The following GGT7 variants were observed in gnomAD, a reference collection of about 807,000 sequenced individuals.
GGT7 encodes the protein gamma-glutamyltransferase 7, also known as glutathione hydrolase 7.
Under a neutral mutation model 69.2 loss-of-function variants are expected in GGT7, and 30 were observed. The observed-to-expected ratio is 0.43, with a 90% CI of 0.32 to 0.59. The LOEUF (loss-of-function observed/expected upper bound fraction) is 0.59. GGT7 is among the 20% of genes least tolerant of loss of function. The pLI is 0.05. For missense variants in GGT7, 733 were observed against 901.1 expected, an observed-to-expected ratio of 0.81 and a Z score of 2.39; for synonymous variants, 388 against 391.8, an observed-to-expected ratio of 0.99 and a Z score of 0.12.
At chr20:34,851,005 T>C (rs1036709513) in intron 13 of GGT7, 2 of 674,980 alleles carry the variant, frequency 3.0e-6, no homozygotes, top group African/African-American at 1.8e-5. Flanking sequence ...GACCCTGCCA[T>C]TTCCCCTGCA....
rs1416199132 is a variant in GGT7 at position 34,860,277 on chromosome 20, A to G, written c.720T>C (p.His240=). ...ACCTGCCATAGAGCTGGTGAGCTTCATGTAGCCCCTTCACCATTCCGGGAA... is the reference window on the plus strand; with the variant it reads ...ACCTGCCATAGAGCTGGTGAGCTTCGTGTAGCCCCTTCACCATTCCGGGAA... The part of the protein sequence containing the change: ...VGVPGMVKGL[H]EAHQLYGRLP... Residue 240 remains histidine, a synonymous_variant, in exon 5 of 15, where the codon CAT becomes CAC. Transcript: ENST00000336431. 22 of 1,613,690 alleles carry G rather than the reference A, an allele frequency of 1.4e-5. No homozygotes were observed. Among genetic ancestry groups the G allele is most frequent in the Non-Finnish European group, 1.9e-5 (22 of 1,179,806 alleles).
chr20:34,868,291 T>C (rs551894487), intron 1 of GGT7, among the ~76,000 whole-genome samples: 85 of 152,346 alleles, frequency 5.6e-4, no homozygotes, highest in Admixed American at 2.0e-3. Flanking sequence ...TATTGATTTA[T>C]ACAATAAAAA....
chr20:34,867,010 A>T (rs1408681375), intron 1 of GGT7, among the ~76,000 whole-genome samples: 1 of 152,226 alleles, frequency 6.6e-6, no homozygotes, highest in Non-Finnish European at 1.5e-5. Flanking sequence ...CCAAACAAAC[A>T]GACGTTAAAC....
intron 3 of GGT7, among the ~76,000 whole-genome samples, chr20:34,862,375 T>C (rs1034196478): frequency 6.6e-6 from 1 of 152,326 alleles, no homozygotes; most frequent in Non-Finnish European, 1.5e-5. Context: ...CCAGTCTGTG[T>C]GCTGGGTGTT....
chr20:34,845,532 G>C lies in GGT7; in HGVS notation c.1826-41C>G, dbSNP rs369779371. 1.9e-5 allele frequency: 30 copies of C among 1,570,770 alleles called. No homozygotes were observed. The South Asian group carries it at 1.9e-4, about 10-fold the overall frequency. ...GACATATACACATTCAGAATGTACAGAGCACTAGTTCAAGAGTCCTACAGT... is the reference window on the plus strand; with the variant it reads ...GACATATACACATTCAGAATGTACACAGCACTAGTTCAAGAGTCCTACAGT... On this transcript the variant is annotated intron_variant, in intron 14 of 14. Transcript: ENST00000336431.
Position 34,872,805 on chromosome 20 carries a change from T to C in GGT7, c.11A>G (p.Glu4Gly). Residue 4 changes from glutamate (E) to glycine (G), a missense_variant, in exon 1 of 15, where the codon GAG becomes GGG. By Grantham distance (98) the Glu-to-Gly change is moderately conservative (BLOSUM62 -2). Coordinates refer to ENST00000336431, the MANE Select transcript of GGT7 (RefSeq NM_178026.3). ...GGCGCTCTCCTGGCTGGCCTCGTTCTCCGCCGCCATCCTCGCCCGCGCCCC... is the reference window on the plus strand; with the variant it reads ...GGCGCTCTCCTGGCTGGCCTCGTTCCCCGCCGCCATCCTCGCCCGCGCCCC... The part of the protein sequence containing the change: MAA[E>G]NEASQESALG... 7.4e-7 allele frequency: 1 copy of C among 1,349,038 alleles called. No individual in the cohort carries two copies. The highest frequency in any genetic ancestry group is 9.6e-7 in the Non-Finnish European group (1 of 1,043,826). 83.6% of individuals were successfully genotyped at this position (1,349,038 alleles called of 1,614,324 possible).
At chr20:34,851,608 G>A (rs563504697) in intron 12 of GGT7, among the ~76,000 whole-genome samples, 2 of 152,152 alleles carry the variant, frequency 1.3e-5, no homozygotes, top group East Asian at 1.9e-4. Context: ...AGGCTGCTAC[G>A]GGTCACAGGA....
chr20:34,866,218 T>C (rs1210745343), intron 1 of GGT7, among the ~76,000 whole-genome samples: 4 of 152,236 alleles, frequency 2.6e-5, no homozygotes, highest in African/African-American at 9.6e-5. Context: ...ATACTGAAGA[T>C]GGGAATGAGA....
At position 34,850,007 on chromosome 20, in the gene GGT7, G is replaced by T. The variant is rs140458732; in HGVS notation, c.1779C>A (p.Arg593=). ...LNRNLSDSLA[R]GRLHPDLQSN... ...ACTGCAGGTCCGGGTGTAGGCGGCC[G>T]CGGGCCAGGCTGTCACTCAGGTTCC... is the stretch of plus-strand genomic sequence containing the variant. The change falls in exon 14 of 15, where the codon CGC becomes CGA. Residue 593 remains arginine (R), a synonymous_variant. Coordinates refer to ENST00000336431, the MANE Select transcript of GGT7 (RefSeq NM_178026.3). 2 of 1,613,660 alleles carry T rather than the reference G, an allele frequency of 1.2e-6. No individual in the cohort carries two copies. The highest frequency in any genetic ancestry group is 1.7e-6 in the Non-Finnish European group (2 of 1,179,790).
chr20:34,872,547 A>C, intron 1 of GGT7, 100 bp downstream of exon 1: 1 of 766,610 alleles, frequency 1.3e-6, no homozygotes, highest in South Asian at 2.9e-5. Context: ...GAAGATGGGG[A>C]TGAATTAAGG....
rs550537909 is a variant in GGT7 at position 34,861,437 on chromosome 20, G to A, written c.675+8C>T. 2.1e-6 allele frequency: 3 copies of A among 1,443,060 alleles called. No homozygotes were observed. The highest frequency in any genetic ancestry group is 2.9e-6 in the Non-Finnish European group (3 of 1,042,018). 89.4% of individuals were successfully genotyped at this position (1,443,060 alleles called of 1,614,324 possible). A position where few individuals can be genotyped will look rare whatever the true frequency, so the allele number is the denominator to read the frequency against. On this transcript the variant is annotated splice_region_variant and intron_variant, in intron 4 of 14. Coordinates refer to ENST00000336431, the MANE Select transcript of GGT7 (RefSeq NM_178026.3). ...CCCTGAACTCTCTCTTCTCACCAGG[G>A]TCCCCACCTTGGTCTCCCAGGATCT...
At chr20:34,867,063 CTTG>C (rs372987226) in intron 1 of GGT7, among the ~76,000 whole-genome samples, 16 of 151,800 alleles carry the variant, frequency 1.1e-4, no homozygotes, top group East Asian at 3.9e-4. Flanking sequence ...CTAGAAATGT[CTTG>C]TTGTTGTTGT....
At chr20:34,852,715 G>C (rs953092416) in intron 10 of GGT7, among the ~76,000 whole-genome samples, 177 bp from the exon 11 acceptor site, 22 of 152,210 alleles carry the variant, frequency 1.4e-4, no homozygotes, top group African/African-American at 5.3e-4. Context: ...GAAAATAGCT[G>C]TTGAATGTAT....
intron 10 of GGT7, 38 bp from the exon 11 acceptor site, chr20:34,852,576 G>T (rs2079416828): frequency 6.5e-7 from 1 of 1,539,520 alleles, no homozygotes; most frequent in South Asian, 1.2e-5. Flanking sequence ...CAAACAACAG[G>T]CTCTCAATAC....
intron 10 of GGT7, among the ~76,000 whole-genome samples, chr20:34,853,537 G>C (rs1051396343): frequency 2.7e-5 from 4 of 148,392 alleles, no homozygotes; most frequent in Non-Finnish European, 4.5e-5. Context: ...ACTCCAGCCT[G>C]GGCGACAGAG....
intron 14 of GGT7, among the ~76,000 whole-genome samples, chr20:34,847,177 G>A (rs2079316219): frequency 6.6e-6 from 1 of 152,188 alleles, no homozygotes; most frequent in African/African-American, 2.4e-5. Flanking sequence ...TCCAGTGACA[G>A]GGTCAGTACA....
Position 34,859,606 on chromosome 20 carries a change from A to T in GGT7, c.851T>A (p.Met284Lys). The T allele has an allele frequency of 6.2e-7, 1 of 1,600,574 alleles. No individual in the cohort carries two copies. The highest frequency in any genetic ancestry group is 8.5e-7 in the Non-Finnish European group (1 of 1,172,866). ...RALAEQLPPN[M>K]SERFRETFLP... ...GAACGTCTCCCGGAAGCGCTCGGACATGTTGGGTGGCAGCTGTTCAGCCAG... is the reference window on the plus strand; with the variant it reads ...GAACGTCTCCCGGAAGCGCTCGGACTTGTTGGGTGGCAGCTGTTCAGCCAG... The change falls in exon 7 of 15, where the codon ATG (methionine) becomes AAG (lysine). Residue 284 changes from methionine to lysine, a missense_variant. Coordinates refer to ENST00000336431, the MANE Select transcript of GGT7 (RefSeq NM_178026.3).
intron 1 of GGT7, among the ~76,000 whole-genome samples, chr20:34,869,077 G>A (rs1379969171): frequency 1.3e-5 from 2 of 152,152 alleles, no homozygotes; most frequent in Non-Finnish European, 2.9e-5. Context: ...GAGTTTAGGA[G>A]AGTGATCTTG....
At chr20:34,855,234 A>G (rs181653818) in intron 8 of GGT7, among the ~76,000 whole-genome samples, 13 of 152,196 alleles carry the variant, frequency 8.5e-5, no homozygotes, top group Non-Finnish European at 1.5e-4. Context: ...CAGCAGAAAC[A>G]GGTGACCAGA....
Sources: gnomAD v4.1 joint callset for allele counts (sites outside exome capture counted in the v4.1 genomes callset) on GRCh38, gnomAD v4.1.1 for gene constraint, MANE v1.5 for transcripts, NCBI Gene and HGNC (gene_info 2026-07-23, HGNC 2026-07-21) for gene names.